Variants in CDKL1 observed in about 807,000 individuals in gnomAD.
CDKL1 encodes cyclin-dependent kinase-like 1.
A neutral mutation model predicts 42.0 loss-of-function variants in CDKL1; 41 were observed. The observed-to-expected ratio is 0.98, with a 90% CI of 0.76 to 1.27. The LOEUF (loss-of-function observed/expected upper bound fraction) is 1.27, where lower values mean the gene tolerates loss of function less well. Among genes scored for constraint, CDKL1 ranks in the 50% most tolerant of loss-of-function variants. CDKL1 has a pLI of 0.00. For synonymous variants in CDKL1, 153 were observed against 158.6 expected (o/e 0.96, Z 0.26); for missense variants, 394 against 428.4 (o/e 0.92, Z 0.71).
At chr14:50,330,638 G>A (rs2032886575) in intron 9 of CDKL1, 1 of 153,456 alleles carries the variant, frequency 6.5e-6, no homozygotes, top group Admixed American at 6.5e-5. Context: ...CAGCTACAAG[G>A]GAGGCTGAGT....
At chr14:50,394,346 G>T (rs1433196605) in intron 2 of CDKL1, among the ~76,000 whole-genome samples, 3 of 152,198 alleles carry the variant, frequency 2.0e-5, no homozygotes, top group African/African-American at 7.2e-5. Flanking sequence ...TCCCCTGCGG[G>T]GCTTTGGAAG....
intron 3 of CDKL1, among the ~76,000 whole-genome samples, chr14:50,349,275 A>T (rs1441151136): frequency 6.6e-6 from 1 of 152,206 alleles, no homozygotes; most frequent in Non-Finnish European, 1.5e-5. Context: ...ACCAATAAAC[A>T]AGCCTATATC....
chr14:50,361,103 G>T (rs1468581094), intron 2 of CDKL1, among the ~76,000 whole-genome samples: 1 of 152,084 alleles, frequency 6.6e-6, no homozygotes, highest in African/African-American at 2.4e-5. Flanking sequence ...ACATTCCCCA[G>T]GTGATTCACT....
chr14:50,332,613 A>AAAT, intron 8 of CDKL1, 181 bp from the exon 9 acceptor site: 1 of 1,501,738 alleles, frequency 6.7e-7, no homozygotes, highest in Non-Finnish European at 8.9e-7. Context: ...CTCACATATT[A>AAAT]AATAAATAGT....
At chr14:50,391,083 T>A (rs986670695) in intron 2 of CDKL1, among the ~76,000 whole-genome samples, 4 of 152,150 alleles carry the variant, frequency 2.6e-5, no homozygotes, top group Admixed American at 6.6e-5. Context: ...GATCAGCACG[T>A]TGGCCTCCCA....
chr14:50,360,851 T>A (rs1778799245), intron 2 of CDKL1, among the ~76,000 whole-genome samples: 1 of 151,896 alleles, frequency 6.6e-6, no homozygotes, highest in South Asian at 2.1e-4. Context: ...CTTAACGTTA[T>A]GTCCTCAAGG....
rs75656775 is a variant in CDKL1, at chr14:50,348,897, A to T, written c.291-3839T>A. On this transcript the variant is annotated intron_variant, in intron 3 of 9. Coordinates refer to ENST00000395834, the MANE Select transcript of CDKL1 (RefSeq NM_004196.7). ...AAGCTGTTGTATCCATGAAATAAGA[A>T]CAGGATACTACAAGAAAATGGGAGG... is the stretch of plus-strand genomic sequence containing the variant. 5.6e-3 allele frequency among the ~76,000 whole-genome samples: 848 copies of T among 152,308 alleles called. 20 individuals are homozygous for T. The highest frequency in any genetic ancestry group is 0.048 in the East Asian group (249 of 5,190).
At chr14:50,360,825 T>A (rs896275529) in intron 2 of CDKL1, among the ~76,000 whole-genome samples, 9 of 149,168 alleles carry the variant, frequency 6.0e-5, no homozygotes, top group South Asian at 2.1e-4. Flanking sequence ...TGTGTGTGTG[T>A]GATTGGCTTA....
At position 50,382,959 on chromosome 14, in the gene CDKL1, G is replaced by C. The variant is rs370215395; in HGVS notation, c.168+12742C>G. 7.5e-4 allele frequency among the ~76,000 whole-genome samples: 111 copies of C among 148,000 alleles called. 3 individuals are homozygous for C. In the South Asian group the frequency reaches 0.023, roughly 31 times the overall value. On this transcript the variant is annotated intron_variant, in intron 2 of 9. Coordinates refer to ENST00000395834, the MANE Select transcript of CDKL1 (RefSeq NM_004196.7). ...TTTTTTTTTTTTGAGACGGAGTCTC[G>C]CTCTGTTGCCCAGGCTGGAGTGCAG... is the stretch of plus-strand genomic sequence containing the variant.
chr14:50,392,521 C>A (rs1203418382), intron 2 of CDKL1, among the ~76,000 whole-genome samples: 6 of 151,556 alleles, frequency 4.0e-5, no homozygotes, highest in Non-Finnish European at 7.4e-5. Context: ...GGGTTTCCTA[C>A]CATGCAGATC....
chr14:50,362,973 C>T, intron 2 of CDKL1: 1 of 466,274 alleles, frequency 2.1e-6, no homozygotes. Flanking sequence ...TGGGTCCGCA[C>T]TGCTGTAACA....
At chr14:50,377,764 C>T in intron 2 of CDKL1, 1 of 1,189,324 alleles carries the variant, frequency 8.4e-7, no homozygotes, top group Non-Finnish European at 1.1e-6. Flanking sequence ...CGGCAATGGT[C>T]ATTATGGGAA....
rs4901028 is a variant in CDKL1 at position 50,396,041 on chromosome 14, C to T, written c.-173G>A. On this transcript the variant is annotated 5_prime_UTR_variant, in exon 2 of 10. Transcript: ENST00000395834. Reference sequence around the variant, plus strand: ...CTCTACTAAAGATACAAAAAATTAGCCGGGTGTGGTGATGGGCGCCCGTAG... The same window carrying T: ...CTCTACTAAAGATACAAAAAATTAGTCGGGTGTGGTGATGGGCGCCCGTAG... 212,832 of 1,010,302 alleles carry T rather than the reference C, an allele frequency of 0.21. 26,095 individuals carry two copies. The highest frequency in any genetic ancestry group is 0.56 in the East Asian group (18,611 of 33,366). 62.6% of individuals were successfully genotyped at this position (1,010,302 alleles called of 1,614,324 possible). A position where few individuals can be genotyped will look rare whatever the true frequency, so the allele number is the denominator to read the frequency against.
chr14:50,395,790 C>T lies in CDKL1; in HGVS notation c.79G>A (p.Gly27Ser). 1 of 1,613,564 alleles carries T rather than the reference C, an allele frequency of 6.2e-7. No individual in the cohort carries two copies. The highest frequency in any genetic ancestry group is 8.5e-7 in the Non-Finnish European group (1 of 1,179,446). ...AACTTCTTGATGGCCACAATCTGAC[C>T]CGTGTCCCTGTTTCTACATTTGAAA... ...VVFKCRNRDT[G>S]QIVAIKKFLE... Residue 27 changes from glycine (G) to serine (S), a missense_variant, in exon 2 of 10, where the codon GGT (glycine) becomes AGT (serine). Physicochemically the swap from Gly to Ser is moderately conservative, Grantham distance 56 (BLOSUM62 0). Coordinates refer to ENST00000395834, the MANE Select transcript of CDKL1 (RefSeq NM_004196.7).
intron 3 of CDKL1, among the ~76,000 whole-genome samples, chr14:50,352,530 G>T (rs1345790004): frequency 6.6e-6 from 1 of 152,124 alleles, no homozygotes. Context: ...TTCAACCAGA[G>T]AGGAATGGTG....
At position 50,373,191 on chromosome 14, in the gene CDKL1, CA is replaced by C. The variant is rs570022932; in HGVS notation, c.169-14043del. Among the ~76,000 whole-genome samples the C allele has an allele frequency of 2.7e-3, 408 of 152,048 alleles. 5 individuals are homozygous for C. Among genetic ancestry groups the C allele is most frequent in the African/African-American group, 9.2e-3 (381 of 41,484 alleles). On this transcript the variant is annotated intron_variant, in intron 2 of 9. Coordinates refer to ENST00000395834, the MANE Select transcript of CDKL1 (RefSeq NM_004196.7). ...AAACACTATAAACAACGCCAAAAGA[CA>C]AATAATTGCCTGGGAAATATTTGTT...
chr14:50,359,818 C>T (rs1292585345), intron 2 of CDKL1, among the ~76,000 whole-genome samples: 2 of 99,676 alleles, frequency 2.0e-5, no homozygotes, highest in Non-Finnish European at 4.3e-5. Context: ...AAAAAAAAAG[C>T]CCAGGACTGA....
At chr14:50,333,142 G>A (rs1416584576) in intron 8 of CDKL1, 1 of 153,072 alleles carries the variant, frequency 6.5e-6, no homozygotes, top group African/African-American at 2.4e-5. Flanking sequence ...CAGAGGTGTT[G>A]AAACCACAGC....
At chr14:50,361,122 A>G (rs2034234668) in intron 2 of CDKL1, among the ~76,000 whole-genome samples, 1 of 152,156 alleles carries the variant, frequency 6.6e-6, no homozygotes. Context: ...CTGTGTATCC[A>G]GAGGTATTAA....
Sources: gnomAD v4.1 joint callset for allele counts (sites outside exome capture counted in the v4.1 genomes callset) on GRCh38, gnomAD v4.1.1 for gene constraint, MANE v1.5 for transcripts, NCBI Gene and HGNC (gene_info 2026-07-23, HGNC 2026-07-21) for gene names.